Variants in CACHD1 observed in about 807,000 individuals in gnomAD.
CACHD1 encodes the protein cache domain containing 1.
Under a neutral mutation model 138.7 loss-of-function variants are expected in CACHD1, and 71 were observed. That is an observed-to-expected ratio of 0.51 (90% CI 0.42 to 0.62). The LOEUF (loss-of-function observed/expected upper bound fraction) is 0.62. Ranked by LOEUF, CACHD1 falls within the 20% of genes least tolerant of loss-of-function variation. The pLI is 0.00. For missense variants in CACHD1, 1,389 were observed against 1,625.3 expected, an observed-to-expected ratio of 0.85 and a Z score of 2.50; for synonymous variants, 578 against 591.5, an observed-to-expected ratio of 0.98 and a Z score of 0.33.
intron 4 of CACHD1, among the ~76,000 whole-genome samples, chr1:64,615,413 T>A (rs1431824199): frequency 6.6e-6 from 1 of 152,244 alleles, no homozygotes. Context: ...TCCAGGGTTG[T>A]GTTGGCTCAG....
At position 64,664,543 on chromosome 1, in the gene CACHD1, G is replaced by C. The variant is rs1157965485; in HGVS notation, c.2140G>C (p.Glu714Gln). Reference sequence around the variant, plus strand: ...AATGGCTACCAGCCACGTCACAGATGAATGGATGACACAAATGGAAATGAG... The same window carrying C: ...AATGGCTACCAGCCACGTCACAGATCAATGGATGACACAAATGGAAATGAG... ...EVMATSHVTD[E>Q]WMTQMEMSSL... The change falls in exon 15 of 27, where the codon GAA (glutamate) becomes CAA (glutamine). Residue 714 changes from glutamate (E) to glutamine (Q), a missense_variant. Around this residue, in one of 5 missense-constraint regions of CACHD1, gnomAD observed 1,000 missense variants for 1,114.7 expected, o/e 0.90. Coordinates refer to ENST00000651257, the MANE Select transcript of CACHD1 (RefSeq NM_020925.4). The C allele has an allele frequency of 6.2e-7, 1 of 1,614,216 alleles. No homozygotes were observed. Among genetic ancestry groups the C allele is most frequent in the Admixed American group, 1.7e-5 (1 of 60,034 alleles).
chr1:64,563,487 T>C (rs536561646), intron 2 of CACHD1, among the ~76,000 whole-genome samples: 29 of 152,338 alleles, frequency 1.9e-4, no homozygotes, highest in African/African-American at 5.3e-4. Flanking sequence ...TCTATCCTTT[T>C]GTTCATATGA....
intron 1 of CACHD1, among the ~76,000 whole-genome samples, chr1:64,540,930 A>C: frequency 6.6e-6 from 1 of 152,182 alleles, no homozygotes; most frequent in East Asian, 1.9e-4. Flanking sequence ...GGACTAAGGA[A>C]TTCATAATTT....
rs142591635 is a variant in CACHD1, at chr1:64,669,641, G to A, written c.2388-1923G>A. Among the ~76,000 whole-genome samples the A allele has an allele frequency of 2.8e-4, 43 of 152,156 alleles. No individual in the cohort carries two copies. In the East Asian group the frequency reaches 6.0e-3, roughly 21 times the overall value. On this transcript the variant is annotated intron_variant, in intron 16 of 26. Coordinates refer to ENST00000651257, the MANE Select transcript of CACHD1 (RefSeq NM_020925.4). The stretch of plus-strand genomic sequence containing the variant: ...CTTTGGCTGTGAAAATCTCACGGAA[G>A]TATTGCAAACAGCCTGGTCTGTTGT...
chr1:64,552,394 T>C (rs1012008328), intron 2 of CACHD1, among the ~76,000 whole-genome samples: 1 of 152,040 alleles, frequency 6.6e-6, no homozygotes, highest in Non-Finnish European at 1.5e-5. Flanking sequence ...TTGTAGTTGA[T>C]GGATATCAAG....
chr1:64,527,186 G>A (rs893768461), intron 1 of CACHD1, among the ~76,000 whole-genome samples: 3 of 152,156 alleles, frequency 2.0e-5, no homozygotes, highest in Non-Finnish European at 2.9e-5. Context: ...AGCGGCACAG[G>A]GACAGTTGCA....
chr1:64,569,842 C>G (rs1354679167), intron 2 of CACHD1, among the ~76,000 whole-genome samples: 1 of 152,112 alleles, frequency 6.6e-6, no homozygotes, highest in Non-Finnish European at 1.5e-5. Context: ...TCCAAGTCCT[C>G]ATTTTAAAGG....
At chr1:64,482,349 G>A (rs1256790553) in intron 1 of CACHD1, among the ~76,000 whole-genome samples, 1 of 152,066 alleles carries the variant, frequency 6.6e-6, no homozygotes, top group African/African-American at 2.4e-5. Context: ...TCTCTCTAAA[G>A]CCTATATTTC....
chr1:64,563,161 C>G (rs1351019679), intron 2 of CACHD1, among the ~76,000 whole-genome samples: 1 of 148,568 alleles, frequency 6.7e-6, no homozygotes, highest in Non-Finnish European at 1.5e-5. Context: ...ACCCAGTACT[C>G]TAGTATTTAA....
chr1:64,645,884 G>A (rs1048943961), intron 8 of CACHD1, among the ~76,000 whole-genome samples: 2 of 152,072 alleles, frequency 1.3e-5, no homozygotes, highest in African/African-American at 4.8e-5. Context: ...CCTAAATCTC[G>A]CAGTACAGCC....
rs145366886 is a variant in CACHD1 at position 64,644,901 on chromosome 1, C to A, written c.1157-2900C>A. Among the ~76,000 whole-genome samples the A allele has an allele frequency of 2.9e-3, 440 of 152,308 alleles. 7 individuals carry two copies. The East Asian group carries it at 0.047, about 16-fold the overall frequency. On this transcript the variant is annotated intron_variant, in intron 8 of 26. Coordinates refer to ENST00000651257, the MANE Select transcript of CACHD1 (RefSeq NM_020925.4). ...TCACCTGAGGTCAGGAGTTCGAGACCAGCCTGACCAGCGTGGTGAAACCCC... is the reference window on the plus strand; with the variant it reads ...TCACCTGAGGTCAGGAGTTCGAGACAAGCCTGACCAGCGTGGTGAAACCCC...
rs1649179300 is a variant in CACHD1, at chr1:64,653,794, A to G, written c.1577A>G (p.Tyr526Cys). The G allele has an allele frequency of 6.2e-7, 1 of 1,613,494 alleles. No individual in the cohort carries two copies. The highest frequency in any genetic ancestry group is 8.5e-7 in the Non-Finnish European group (1 of 1,179,500). Residue 526 changes from tyrosine (Y) to cysteine (C), a missense_variant, in exon 11 of 27, where the codon TAT becomes TGT. By Grantham distance (194) the Tyr-to-Cys change is radical (BLOSUM62 -2). Coordinates refer to ENST00000651257, the MANE Select transcript of CACHD1 (RefSeq NM_020925.4). The stretch of plus-strand genomic sequence containing the variant: ...ATGCACCCATCTCTTACCAGGCCAT[A>G]TTTATTGTCAGAGCCCCCACTTCAT... ...TLMHPSLTRP[Y>C]LLSEPPLHTD...
intron 13 of CACHD1, among the ~76,000 whole-genome samples, chr1:64,662,625 C>T: frequency 6.6e-6 from 1 of 152,164 alleles, no homozygotes; most frequent in Admixed American, 6.5e-5. Context: ...TGAGATAGGA[C>T]ACATGATCAT....
At chr1:64,683,232 C>A (rs545249881) in intron 26 of CACHD1, among the ~76,000 whole-genome samples, 1 of 152,202 alleles carries the variant, frequency 6.6e-6, no homozygotes, top group Non-Finnish European at 1.5e-5. Context: ...TTCCCACCAA[C>A]TAAATAGAAA....
chr1:64,597,524 GTTTTTTT>G (rs34162933), intron 3 of CACHD1, among the ~76,000 whole-genome samples: 1 of 80,400 alleles, frequency 1.2e-5, no homozygotes, highest in Non-Finnish European at 2.4e-5. Flanking sequence ...TTTTTTTGTT[GTTTTTTT>G]TTTTTTTTTT....
At chr1:64,669,431 T>C (rs544717411) in intron 16 of CACHD1, among the ~76,000 whole-genome samples, 1 of 152,346 alleles carries the variant, frequency 6.6e-6, no homozygotes, top group East Asian at 1.9e-4. Context: ...TTTCAGTGGT[T>C]TGGCTGAGAA....
At chr1:64,601,208 T>G (rs1358052909) in intron 3 of CACHD1, among the ~76,000 whole-genome samples, 1 of 152,230 alleles carries the variant, frequency 6.6e-6, no homozygotes, top group Non-Finnish European at 1.5e-5. Context: ...ACAGTCTTTA[T>G]GGCCCACAAA....
intron 5 of CACHD1, among the ~76,000 whole-genome samples, chr1:64,632,236 C>T (rs1361738576): frequency 8.2e-6 from 1 of 121,660 alleles, no homozygotes; most frequent in Non-Finnish European, 1.6e-5. Flanking sequence ...TTAAAGAACA[C>T]TAACATCCTG....
At chr1:64,576,663 T>G (rs1646970220) in intron 2 of CACHD1, among the ~76,000 whole-genome samples, 1 of 152,110 alleles carries the variant, frequency 6.6e-6, no homozygotes, top group Admixed American at 6.5e-5. Context: ...ATGCCTCAGT[T>G]TCTTCACTTG....
Sources: gnomAD v4.1 joint callset for allele counts (sites outside exome capture counted in the v4.1 genomes callset) on GRCh38, gnomAD v4.1.1 for gene constraint, gnomAD v4.1.1 regional missense constraint, MANE v1.5 for transcripts, NCBI Gene and HGNC (gene_info 2026-07-23, HGNC 2026-07-21) for gene names.